MINPP1: variants seen among roughly 807,000 people sequenced by gnomAD.
The protein encoded by MINPP1 is multiple inositol-polyphosphate phosphatase 1, also known as multiple inositol polyphosphate phosphatase 1.
In MINPP1, 28 loss-of-function variants were observed where a neutral mutation model predicts 46.1. The observed-to-expected ratio is 0.61, with a 90% confidence interval of 0.45 to 0.83. MINPP1 has a LOEUF of 0.83. MINPP1 is among the 40% of genes least tolerant of loss of function. The probability of loss-of-function intolerance (pLI) is 0.00; values close to 1 mark genes in which losing one functional copy is unlikely to be tolerated. For synonymous variants in MINPP1, 268 were observed against 249.1 expected (o/e 1.08, Z -0.72); for missense variants, 603 against 610.0 (o/e 0.99, Z 0.12).
chr10:87,523,868 C>T (rs927262933), intron 4 of MINPP1, among the ~76,000 whole-genome samples: 1 of 152,120 alleles, frequency 6.6e-6, no homozygotes, highest in African/African-American at 2.4e-5. Context: ...AGCAGGAGGT[C>T]TCAATAGTAG....
At chr10:87,531,145 G>A (rs1049413820) in intron 4 of MINPP1, among the ~76,000 whole-genome samples, 51 of 152,184 alleles carry the variant, frequency 3.4e-4, no homozygotes, top group African/African-American at 7.2e-4. Context: ...GACCCCGTGC[G>A]CTTCCCGGGT....
At chr10:87,549,499 A>G (rs1436013188) in intron 4 of MINPP1, among the ~76,000 whole-genome samples, 1 of 152,250 alleles carries the variant, frequency 6.6e-6, no homozygotes, top group African/African-American at 2.4e-5. Flanking sequence ...CTTAAAAAGC[A>G]GCTGGTCTGA....
At chr10:87,507,927 T>A in intron 1 of MINPP1, 1 of 1,249,840 alleles carries the variant, frequency 8.0e-7, no homozygotes, top group Non-Finnish European at 1.0e-6. Context: ...TAAAATACTC[T>A]GTTTAGACTT....
intron 2 of MINPP1, among the ~76,000 whole-genome samples, chr10:87,511,894 G>A (rs537994147): frequency 1.5e-4 from 23 of 152,190 alleles, no homozygotes; most frequent in Admixed American, 2.0e-4. Context: ...TTTTCTTTAC[G>A]TAAGCAAAGT....
At chr10:87,513,358 A>T (rs1851363894) in intron 3 of MINPP1, 137 bp downstream of exon 3, 1 of 662,736 alleles carries the variant, frequency 1.5e-6, no homozygotes. Context: ...ACTAACTCCT[A>T]ATTTTCCTTA....
chr10:87,504,914 C>T lies in MINPP1; in HGVS notation c.-2C>T, dbSNP rs544545168. 8.1e-6 allele frequency: 13 copies of T among 1,610,148 alleles called. No individual in the cohort carries two copies. Among genetic ancestry groups the T allele is most frequent in the Admixed American group, 3.3e-5 (2 of 59,898 alleles). ...CGGCGCACTCCACTGACCGTCCCGA[C>T]GATGCTACGCGCGCCCGGCTGCCTC... On this transcript the variant is annotated 5_prime_UTR_variant, in exon 1 of 5. It adds an upstream start codon to the 5' untranslated region. Transcript: ENST00000371996.
intron 4 of MINPP1, among the ~76,000 whole-genome samples, chr10:87,538,588 CT>C (rs1244929448): frequency 1.3e-5 from 2 of 152,150 alleles, no homozygotes. Context: ...CATTTTAGTT[CT>C]TGATTTATGT....
intron 4 of MINPP1, among the ~76,000 whole-genome samples, chr10:87,531,088 A>T (rs928693723): frequency 6.6e-6 from 1 of 152,184 alleles, no homozygotes; most frequent in African/African-American, 2.4e-5. Context: ...CTGATTTTCC[A>T]GGTACTGTCT....
chr10:87,511,536 G>A (rs1157396065), intron 2 of MINPP1, among the ~76,000 whole-genome samples: 1 of 152,098 alleles, frequency 6.6e-6, no homozygotes, highest in Non-Finnish European at 1.5e-5. Flanking sequence ...AATCAGAAGG[G>A]TCATAACAGA....
Position 87,509,004 on chromosome 10 carries a change from A to G in MINPP1, c.835+471A>G, listed in dbSNP as rs1564671384. 3.3e-5 allele frequency among the ~76,000 whole-genome samples: 5 copies of G among 152,218 alleles called. No individual in the cohort carries two copies. The South Asian group carries it at 1.0e-3, about 32-fold the overall frequency. ...TGAGTTATATGTAGCAATGCTGAGA[A>G]GATGAGCAGTCATGTCTATCATAAG... On this transcript the variant is annotated intron_variant, in intron 2 of 4. Transcript: ENST00000371996.
chr10:87,552,326 T>C lies in MINPP1; in HGVS notation c.1312T>C (p.Leu438=). The change falls in exon 5 of 5, where the codon TTA becomes CTA. Residue 438 remains leucine (L), a synonymous_variant. Coordinates refer to ENST00000371996, the MANE Select transcript of MINPP1 (RefSeq NM_004897.5). ...AGAACAATTCCGAGTGCAGATGTTA[T>C]TAAATGAAAAGGTGTTACCTTTGGC... ...PKEQFRVQML[L]NEKVLPLAYS... The C allele has an allele frequency of 6.2e-7, 1 of 1,613,844 alleles. No homozygotes were observed. Among genetic ancestry groups the C allele is most frequent in the South Asian group, 1.1e-5 (1 of 91,066 alleles).
intron 4 of MINPP1, among the ~76,000 whole-genome samples, 171 bp downstream of exon 4, chr10:87,521,340 C>T (rs1027736009): frequency 1.3e-5 from 2 of 152,020 alleles, no homozygotes; most frequent in Admixed American, 6.6e-5. Context: ...ATAAAACATA[C>T]GAACCTTCCA....
intron 4 of MINPP1, among the ~76,000 whole-genome samples, chr10:87,528,127 A>G (rs1851604613): frequency 6.6e-6 from 1 of 152,076 alleles, no homozygotes; most frequent in South Asian, 2.1e-4. Context: ...CTAGCAGTCT[A>G]TCAGTTTTGT....
At chr10:87,537,138 T>C (rs1851747379) in intron 4 of MINPP1, among the ~76,000 whole-genome samples, 1 of 152,080 alleles carries the variant, frequency 6.6e-6, no homozygotes, top group Admixed American at 6.5e-5. Flanking sequence ...GGTTTCATCA[T>C]GTTGGCCAGA....
At chr10:87,550,398 T>A (rs1851945759) in intron 4 of MINPP1, among the ~76,000 whole-genome samples, 1 of 152,184 alleles carries the variant, frequency 6.6e-6, no homozygotes. Context: ...CGCCTGTTGA[T>A]GAATGGCTTT....
chr10:87,530,180 T>C (rs1851637138), intron 4 of MINPP1, among the ~76,000 whole-genome samples: 2 of 152,122 alleles, frequency 1.3e-5, no homozygotes, highest in South Asian at 4.2e-4. Flanking sequence ...AAGTTTGTTA[T>C]TACCAATCGT....
At position 87,505,562 on chromosome 10, in the gene MINPP1, C is replaced by CG. The variant is rs1227903701; in HGVS notation, c.637+13dup. On this transcript the variant is annotated intron_variant, in intron 1 of 4. Coordinates refer to ENST00000371996, the MANE Select transcript of MINPP1 (RefSeq NM_004897.5). This position sits in a 1 kb window ranked among gnomAD's most constrained non-coding sequence, Gnocchi z 4.4. ...CCGCCGGACGTCGCAGGTGACCCCC[C>CG]GGGCGGCCCGTGTGCTGTCCCGGTC... is the stretch of plus-strand genomic sequence containing the variant. 2 of 1,595,864 alleles carry CG rather than the reference C, an allele frequency of 1.3e-6. No individual in the cohort carries two copies. The highest frequency in any genetic ancestry group is 1.7e-6 in the Non-Finnish European group (2 of 1,176,558).
chr10:87,525,285 C>T (rs557933927), intron 4 of MINPP1, among the ~76,000 whole-genome samples: 3 of 152,328 alleles, frequency 2.0e-5, no homozygotes, highest in East Asian at 1.9e-4. Flanking sequence ...CAGTCACTCT[C>T]CATTCACCCT....
chr10:87,518,109 G>A (rs111646766), intron 3 of MINPP1, among the ~76,000 whole-genome samples: 7,269 of 151,634 alleles, frequency 0.048, 207 homozygotes, highest in Middle Eastern at 0.086. Context: ...ACAGGCACCC[G>A]CCACCACACC....
Sources: allele counts gnomAD v4.1 joint callset (sites outside exome capture counted in the v4.1 genomes callset), GRCh38; gene constraint gnomAD v4.1.1; non-coding constraint Gnocchi (gnomAD v3.1); transcripts MANE v1.5; gene names NCBI Gene and HGNC (gene_info 2026-07-23, HGNC 2026-07-21).